Variants in AP4S1 observed in about 807,000 individuals in gnomAD.
AP4S1 encodes AP-4 complex subunit sigma-1.
In AP4S1, 23 loss-of-function variants were observed where a neutral mutation model predicts 19.8. That is an observed-to-expected ratio of 1.16 (90% CI 0.84 to 1.65). The LOEUF (loss-of-function observed/expected upper bound fraction) is 1.65, where lower values mean the gene tolerates loss of function less well. Ranked by LOEUF, AP4S1 falls within the 40% of genes most tolerant of loss-of-function variation. The pLI, the probability that AP4S1 is intolerant of heterozygous loss-of-function variation, is 0.00. For synonymous variants in AP4S1, 46 were observed against 54.1 expected, an observed-to-expected ratio of 0.85 and a Z score of 0.66; for missense variants, 166 against 172.8, an observed-to-expected ratio of 0.96 and a Z score of 0.22.
At chr14:31,061,678 C>G (rs1886446842) in intron 1 of AP4S1, among the ~76,000 whole-genome samples, 2 of 151,354 alleles carry the variant, frequency 1.3e-5, no homozygotes, top group Admixed American at 1.3e-4. Context: ...GAGTCTCGCT[C>G]TGTCACCAGG....
intron 1 of AP4S1, among the ~76,000 whole-genome samples, chr14:31,046,760 G>C (rs1435557953): frequency 6.6e-6 from 1 of 151,630 alleles, no homozygotes; most frequent in South Asian, 2.1e-4. Flanking sequence ...GCAGGAGAAT[G>C]GTGTGAACCC....
At chr14:31,035,955 A>G (rs140594454) in intron 1 of AP4S1, among the ~76,000 whole-genome samples, 5 of 151,718 alleles carry the variant, frequency 3.3e-5, no homozygotes, top group Admixed American at 6.6e-5. Flanking sequence ...TGGTCTCGAT[A>G]TCCTGACCTG....
intron 4 of AP4S1, among the ~76,000 whole-genome samples, chr14:31,079,170 C>G (rs1887508878): frequency 6.6e-6 from 1 of 152,160 alleles, no homozygotes; most frequent in African/African-American, 2.4e-5. Flanking sequence ...ATTTGACAAC[C>G]CTTAAGTCCT....
intron 5 of AP4S1, among the ~76,000 whole-genome samples, chr14:31,089,632 G>A (rs979667157): frequency 6.6e-6 from 1 of 152,166 alleles, no homozygotes; most frequent in Non-Finnish European, 1.5e-5. Context: ...TCCAATGTTG[G>A]GGCCAGGCGT....
intron 1 of AP4S1, among the ~76,000 whole-genome samples, chr14:31,049,477 A>ACT (rs1885654485): frequency 8.3e-6 from 1 of 120,256 alleles, no homozygotes; most frequent in Non-Finnish European, 1.6e-5. Flanking sequence ...ATATATGTAC[A>ACT]CACACACACA....
intron 2 of AP4S1, among the ~76,000 whole-genome samples, chr14:31,069,505 G>C (rs1255072631): frequency 6.6e-6 from 1 of 152,128 alleles, no homozygotes; most frequent in Non-Finnish European, 1.5e-5. Flanking sequence ...TATCGTGTTT[G>C]CTTATTTTCG....
intron 3 of AP4S1, among the ~76,000 whole-genome samples, chr14:31,070,592 G>C (rs1304812914): frequency 1.3e-5 from 2 of 152,196 alleles, no homozygotes. Flanking sequence ...GTGTGGAAGA[G>C]AAATATCTAG....
In AP4S1 at chr14:31,026,507, A is replaced by C. The variant is rs118053150; in HGVS notation, c.-72+720A>C. ...CATGCTGGGTAGCGAACGCAGCCTC[A>C]CGCTTAATCGCCAAATAGAGTCCGG... is the stretch of plus-strand genomic sequence containing the variant. On this transcript the variant is annotated intron_variant, in intron 1 of 5. Coordinates refer to ENST00000542754, the MANE Select transcript of AP4S1 (RefSeq NM_001128126.3). 394 of 294,296 alleles carry C rather than the reference A, an allele frequency of 1.3e-3. 4 individuals carry two copies. In the East Asian group the frequency reaches 0.018, roughly 13 times the overall value. The allele number at this position is 294,296 out of a possible 1,614,324, so 18.2% of individuals were successfully genotyped here.
In AP4S1 at chr14:31,025,693, G is replaced by A. The variant is rs1566502511; in HGVS notation, c.-166G>A. 1 of 728,186 alleles carries A rather than the reference G, an allele frequency of 1.4e-6. No individual in the cohort carries two copies. Among genetic ancestry groups the A allele is most frequent in the Non-Finnish European group, 2.2e-6 (1 of 464,042 alleles). The allele number at this position is 728,186 out of a possible 1,614,324, so 45.1% of individuals were successfully genotyped here. A position where few individuals can be genotyped will look rare whatever the true frequency, so the allele number is the denominator to read the frequency against. On this transcript the variant is annotated 5_prime_UTR_variant, in exon 1 of 6. Coordinates refer to ENST00000542754, the MANE Select transcript of AP4S1 (RefSeq NM_001128126.3). The stretch of plus-strand genomic sequence containing the variant: ...GCCCCGAGGAGGCCCGCACCGCGTA[G>A]CCAGTGAAGGTTGGGGAGCAAGCTT...
intron 4 of AP4S1, among the ~76,000 whole-genome samples, chr14:31,075,260 A>C (rs1369255258): frequency 6.6e-6 from 1 of 152,122 alleles, no homozygotes; most frequent in Non-Finnish European, 1.5e-5. Context: ...TACTTCCCAC[A>C]TGAATGAGAA....
intron 1 of AP4S1, among the ~76,000 whole-genome samples, chr14:31,056,886 G>T (rs1886151081): frequency 6.6e-6 from 1 of 152,114 alleles, no homozygotes; most frequent in Non-Finnish European, 1.5e-5. Context: ...AGACTAGACT[G>T]GGCAACTGGA....
chr14:31,042,735 A>G (rs1240418901), intron 1 of AP4S1, among the ~76,000 whole-genome samples: 1 of 152,220 alleles, frequency 6.6e-6, no homozygotes, highest in East Asian at 1.9e-4. Context: ...CTTTGAAAAT[A>G]CAGTATCCTT....
intron 1 of AP4S1, among the ~76,000 whole-genome samples, chr14:31,033,324 C>T (rs1884522130): frequency 6.6e-6 from 1 of 152,106 alleles, no homozygotes; most frequent in Non-Finnish European, 1.5e-5. Context: ...AACAATTCTC[C>T]TGCCTCAACT....
intron 5 of AP4S1, among the ~76,000 whole-genome samples, chr14:31,091,523 CG>C (rs1382397538): frequency 1.3e-5 from 2 of 150,068 alleles, no homozygotes; most frequent in Non-Finnish European, 2.9e-5. Flanking sequence ...ATCAGAATAA[CG>C]CTTTTTTTTT....
At chr14:31,049,691 C>T (rs1328043658) in intron 1 of AP4S1, among the ~76,000 whole-genome samples, 1 of 151,840 alleles carries the variant, frequency 6.6e-6, no homozygotes, top group South Asian at 2.1e-4. Context: ...CGGTCTTTCT[C>T]TGTCACCCAG....
intron 1 of AP4S1, among the ~76,000 whole-genome samples, chr14:31,053,589 C>CTTTTTTTTTT (rs758966011): frequency 3.9e-4 from 28 of 71,176 alleles, no homozygotes; most frequent in East Asian, 1.0e-3. Context: ...TGACTTTTTT[C>CTTTTTTTTTT]TTTTTTTTTT....
At chr14:31,075,339 T>C (rs1213362540) in intron 4 of AP4S1, among the ~76,000 whole-genome samples, 1 of 152,218 alleles carries the variant, frequency 6.6e-6, no homozygotes, top group Non-Finnish European at 1.5e-5. Context: ...TCCATACATG[T>C]TTCTGCAAAT....
At chr14:31,083,496 CTTTTTTTTTT>C (rs768336426) in intron 5 of AP4S1, 41 of 255,156 alleles carry the variant, frequency 1.6e-4, no homozygotes, top group Admixed American at 9.9e-4. Context: ...TGTTGACACT[CTTTTTTTTTT>C]TTTTTTTTTT....
chr14:31,049,194 A>C (rs185105290), intron 1 of AP4S1, among the ~76,000 whole-genome samples: 1 of 151,566 alleles, frequency 6.6e-6, no homozygotes, highest in East Asian at 1.9e-4. Context: ...CGGGTGGATC[A>C]TGAGGTCAGG....
Sources: gnomAD v4.1 joint callset for allele counts (sites outside exome capture counted in the v4.1 genomes callset) on GRCh38, gnomAD v4.1.1 for gene constraint, MANE v1.5 for transcripts, NCBI Gene and HGNC (gene_info 2026-07-23, HGNC 2026-07-21) for gene names.